The following CSN1S1 variants were observed in gnomAD, a reference collection of about 807,000 sequenced individuals.
CSN1S1 encodes alpha-S1-casein.
CSN1S1 carries 63 observed loss-of-function variants against 49.1 expected under a neutral mutation model. The observed-to-expected ratio is 1.28, with a 90% CI of 1.05 to 1.58. CSN1S1 has a LOEUF of 1.58. CSN1S1 is among the 40% of genes most tolerant of loss of function. The probability of loss-of-function intolerance (pLI) is 0.00; values close to 1 mark genes in which losing one functional copy is unlikely to be tolerated. For missense variants in CSN1S1, 260 were observed against 224.7 expected (o/e 1.16, Z -1.01); for synonymous variants, 78 against 67.1 (o/e 1.16, Z -0.79).
Position 69,946,435 on chromosome 4 carries a change from G to C in CSN1S1, c.*239G>C, listed in dbSNP as rs138005603. 1.5e-3 allele frequency: 318 copies of C among 218,880 alleles called. No homozygotes were observed. The highest frequency in any genetic ancestry group is 6.9e-3 in the African/African-American group (299 of 43,254). 13.6% of individuals were successfully genotyped at this position (218,880 alleles called of 1,614,324 possible). On this transcript the variant is annotated 3_prime_UTR_variant, in exon 16 of 16. Transcript: ENST00000246891. ...GCACCTAATCAGAGGGTATTAAAGTGTTTACTAAGTTTTCTAGTGGACATT... is the reference window on the plus strand; with the variant it reads ...GCACCTAATCAGAGGGTATTAAAGTCTTTACTAAGTTTTCTAGTGGACATT...
rs991446651 is a variant in CSN1S1 at position 69,942,209 on chromosome 4, A to G, written c.360+146A>G. 8 of 568,104 alleles carry G rather than the reference A, an allele frequency of 1.4e-5. No individual in the cohort carries two copies. In the African/African-American group the frequency reaches 1.5e-4, roughly 11 times the overall value. The allele number at this position is 568,104 out of a possible 1,614,324, so 35.2% of individuals were successfully genotyped here. On this transcript the variant is annotated intron_variant, in intron 13 of 15. Transcript: ENST00000246891. The stretch of plus-strand genomic sequence containing the variant: ...GATAATATTTTACTTAAAAGTCACA[A>G]AAGACAAAATTTAAATAATTAATAA...
In CSN1S1 at chr4:69,932,567, C is replaced by A; in HGVS notation, c.12C>A (p.Leu4=). The change falls in exon 2 of 16, where the codon CTC becomes CTA. Residue 4 remains leucine, a synonymous_variant. Transcript: ENST00000246891. MRL[L]ILTCLVAVAL... is the part of the protein sequence containing the mutation. The stretch of plus-strand genomic sequence containing the variant: ...AGGCTCTGATAACCATGAGGCTTCT[C>A]ATTCTCACCTGTCTTGTGGCTGTTG... The A allele has an allele frequency of 6.2e-7, 1 of 1,603,654 alleles. No homozygotes were observed. Among genetic ancestry groups the A allele is most frequent in the African/African-American group, 1.3e-5 (1 of 74,846 alleles).
intron 11 of CSN1S1, 58 bp downstream of exon 11, chr4:69,940,102 C>A: frequency 1.2e-5 from 8 of 654,882 alleles, no homozygotes; most frequent in South Asian, 4.7e-5. Context: ...AATTAAAATG[C>A]ACTTACTTTC....
Position 69,935,952 on chromosome 4 carries a change from A to G in CSN1S1, c.129+3A>G. ...CTATACCATTAGAATCAAGAGAGGT[A>G]AGAATGACTCCACAGAATTTACCGT... On this transcript the variant is annotated splice_donor_region_variant and intron_variant, in intron 5 of 15. Transcript: ENST00000246891. 2 of 1,539,950 alleles carry G rather than the reference A, an allele frequency of 1.3e-6. No homozygotes were observed. Among genetic ancestry groups the G allele is most frequent in the Non-Finnish European group, 1.8e-6 (2 of 1,136,880 alleles).
At chr4:69,942,115 T>C in intron 13 of CSN1S1, 52 bp downstream of exon 13, 3 of 1,102,872 alleles carry the variant, frequency 2.7e-6, no homozygotes, top group Non-Finnish European at 3.8e-6. Flanking sequence ...TCATGTGTTA[T>C]GTTTTTATAA....
chr4:69,944,063 G>A (rs1723070764), intron 14 of CSN1S1, among the ~76,000 whole-genome samples: 1 of 151,494 alleles, frequency 6.6e-6, no homozygotes, highest in African/African-American at 2.4e-5. Context: ...TCTATCTTGA[G>A]GTAGTTACCT....
chr4:69,935,979 C>T, intron 5 of CSN1S1, 30 bp downstream of exon 5: 2 of 1,509,870 alleles, frequency 1.3e-6, no homozygotes, highest in South Asian at 1.2e-5. Context: ...ATTTACCGTG[C>T]AATTAACAAA....
At chr4:69,945,128 A>G (rs1382289648) in intron 15 of CSN1S1, 124 bp downstream of exon 15, 1 of 982,514 alleles carries the variant, frequency 1.0e-6, no homozygotes, top group Non-Finnish European at 1.5e-6. Flanking sequence ...ACTGCAAAGG[A>G]CTAATATGTT....
At chr4:69,939,971 TA>T in intron 10 of CSN1S1, 49 bp from the exon 11 acceptor site, 2 of 1,078,376 alleles carry the variant, frequency 1.9e-6, no homozygotes, top group Non-Finnish European at 2.6e-6. Context: ...ACTTTAAATG[TA>T]AATTAATGTC....
At chr4:69,935,858 C>G in intron 4 of CSN1S1, 68 bp from the exon 5 acceptor site, 5 of 994,804 alleles carry the variant, frequency 5.0e-6, no homozygotes, top group Non-Finnish European at 7.7e-6. Flanking sequence ...AATTCAAGGA[C>G]ATTATCTAAA....
At chr4:69,934,612 C>T in intron 3 of CSN1S1, 78 bp from the exon 4 acceptor site, 1 of 1,371,704 alleles carries the variant, frequency 7.3e-7, no homozygotes, top group Admixed American at 1.8e-5. Flanking sequence ...TCTACCACAA[C>T]TTTCTATGAG....
chr4:69,943,526 T>C (rs1258150280), intron 14 of CSN1S1, among the ~76,000 whole-genome samples: 1 of 152,050 alleles, frequency 6.6e-6, no homozygotes, highest in Non-Finnish European at 1.5e-5. Context: ...TATGCATTTT[T>C]CATATTAATG....
intron 14 of CSN1S1, among the ~76,000 whole-genome samples, chr4:69,944,362 G>A (rs939912009): frequency 6.6e-6 from 1 of 151,900 alleles, no homozygotes; most frequent in African/African-American, 2.4e-5. Flanking sequence ...AAGAACAGTG[G>A]CCTAGGAATT....
In CSN1S1 at chr4:69,946,393, G is replaced by A; in HGVS notation, c.*197G>A. 3.5e-6 allele frequency: 1 copy of A among 282,802 alleles called. No homozygotes were observed. The highest frequency in any genetic ancestry group is 6.9e-6 in the Non-Finnish European group (1 of 145,484). 17.5% of individuals were successfully genotyped at this position (282,802 alleles called of 1,614,324 possible). On this transcript the variant is annotated 3_prime_UTR_variant, in exon 16 of 16. Coordinates refer to ENST00000246891, the MANE Select transcript of CSN1S1 (RefSeq NM_001890.2). ...AGTTTATTGTCTAAATTTCAGTTGTGTCTTGCCATATGGAGGGCACCTAAT... is the reference window on the plus strand; with the variant it reads ...AGTTTATTGTCTAAATTTCAGTTGTATCTTGCCATATGGAGGGCACCTAAT...
At chr4:69,939,639 T>C (rs1236301550) in intron 10 of CSN1S1, among the ~76,000 whole-genome samples, 6 of 151,752 alleles carry the variant, frequency 4.0e-5, no homozygotes, top group Non-Finnish European at 5.9e-5. Context: ...CTTTGCCCTG[T>C]GTTAATCTTG....
In CSN1S1 at chr4:69,936,579, T is replaced by A. The variant is rs1722793360; in HGVS notation, c.167T>A (p.Leu56Gln). 8 of 1,606,498 alleles carry A rather than the reference T, an allele frequency of 5.0e-6. No individual in the cohort carries two copies. The East Asian group carries it at 1.6e-4, about 32-fold the overall frequency. ...TATTGATTTTAGCAGAGAAACATTC[T>A]GAGAGAAAAACAGACTGATGAAATC... Reference protein sequence around the residue: ...MNGMNRQRNILREKQTDEIKD... With the variant: ...MNGMNRQRNIQREKQTDEIKD... Residue 56 changes from leucine (L) to glutamine (Q), a missense_variant, in exon 7 of 16, where the codon CTG (leucine) becomes CAG (glutamine). By Grantham distance (113) the Leu-to-Gln change is moderately radical. Transcript: ENST00000246891.
chr4:69,937,677 T>C, intron 8 of CSN1S1, 123 bp from the exon 9 acceptor site: 2 of 738,210 alleles, frequency 2.7e-6, no homozygotes, highest in Non-Finnish European at 2.1e-6. Flanking sequence ...TTAGTTTTTC[T>C]TATTACTTTT....
chr4:69,932,848 A>C (rs1722651279), intron 2 of CSN1S1, among the ~76,000 whole-genome samples: 1 of 152,014 alleles, frequency 6.6e-6, no homozygotes, highest in African/African-American at 2.4e-5. Flanking sequence ...CCACAATAAA[A>C]AAGAGCTAAA....
chr4:69,943,265 C>A (rs1229900232), intron 14 of CSN1S1, among the ~76,000 whole-genome samples: 1 of 151,596 alleles, frequency 6.6e-6, no homozygotes, highest in Non-Finnish European at 1.5e-5. Context: ...GTCCCTGCAA[C>A]CTCTGCCTCC....
Sources: allele counts gnomAD v4.1 joint callset (sites outside exome capture counted in the v4.1 genomes callset), GRCh38; gene constraint gnomAD v4.1.1; transcripts MANE v1.5; gene names NCBI Gene and HGNC (gene_info 2026-07-23, HGNC 2026-07-21).